NCAM2: variants seen among roughly 807,000 people sequenced by gnomAD.
The protein encoded by NCAM2 is neural cell adhesion molecule 2, also known as N-CAM-2.
In NCAM2, 30 loss-of-function variants were observed where a neutral mutation model predicts 98.1. That is an observed-to-expected ratio of 0.31 (90% confidence interval 0.23 to 0.41). NCAM2 has a LOEUF of 0.41. Ranked by LOEUF, NCAM2 falls within the 10% of genes least tolerant of loss-of-function variation. The pLI is 1.00. For missense variants in NCAM2, 867 were observed against 1,005.8 expected, an observed-to-expected ratio of 0.86 and a Z score of 1.87; for synonymous variants, 368 against 342.4, an observed-to-expected ratio of 1.07 and a Z score of -0.83.
chr21:21,338,947 C>G (rs200816277), intron 8 of NCAM2, among the ~76,000 whole-genome samples: 1 of 152,030 alleles, frequency 6.6e-6, no homozygotes, highest in Non-Finnish European at 1.5e-5. Context: ...GATTTACAAA[C>G]CAGTACATTT....
intron 12 of NCAM2, among the ~76,000 whole-genome samples, chr21:21,447,301 A>T (rs530306954): frequency 4.2e-4 from 64 of 152,216 alleles, no homozygotes; most frequent in African/African-American, 1.4e-3. Context: ...CAATGGGGAA[A>T]GGATATCCTT....
At position 21,133,733 on chromosome 21, in the gene NCAM2, A is replaced by C. The variant is rs112091977; in HGVS notation, c.55+135115A>C. On this transcript the variant is annotated intron_variant, in intron 1 of 17. Transcript: ENST00000400546. ...TTTTCATCATCAGTGCATAATGCAC[A>C]GTTGTTGCTGCCTCGACCCTGATCT... is the stretch of plus-strand genomic sequence containing the variant. 4.4e-3 allele frequency among the ~76,000 whole-genome samples: 677 copies of C among 152,338 alleles called. 8 individuals are homozygous for C. The highest frequency in any genetic ancestry group is 0.016 in the African/African-American group (648 of 41,592).
In NCAM2 at chr21:21,410,423, T is replaced by G; in HGVS notation, c.1345T>G (p.Leu449Val). 6.3e-7 allele frequency: 1 copy of G among 1,589,976 alleles called. No individual in the cohort carries two copies. The highest frequency in any genetic ancestry group is 8.6e-7 in the Non-Finnish European group (1 of 1,167,488). ...LVLPAKNTTN[L>V]KTYSTGRKMI... ...CTTACCTGCTAAAAACACGACCAAT[T>G]TAAAGACTTATAGTACAGGAAGAAA... Residue 449 changes from leucine to valine, a missense_variant, in exon 10 of 18, where the codon TTA becomes GTA. Transcript: ENST00000400546.
At chr21:21,527,233 T>A (rs1006191436) in intron 16 of NCAM2, among the ~76,000 whole-genome samples, 8 of 152,160 alleles carry the variant, frequency 5.3e-5, no homozygotes, top group African/African-American at 1.9e-4. Flanking sequence ...TGCCTCAACT[T>A]CCTGAGTAGC....
intron 13 of NCAM2, among the ~76,000 whole-genome samples, chr21:21,467,220 A>C (rs1252717195): frequency 6.6e-6 from 1 of 151,842 alleles, no homozygotes; most frequent in Non-Finnish European, 1.5e-5. Context: ...ATTTTGGGGA[A>C]TTGTAAGTTA....
At chr21:21,029,834 G>T (rs1222026302) in intron 1 of NCAM2, among the ~76,000 whole-genome samples, 1 of 151,878 alleles carries the variant, frequency 6.6e-6, no homozygotes, top group African/African-American at 2.4e-5. Context: ...GTTTCACCAC[G>T]TTGGCCAGGA....
Position 21,538,864 on chromosome 21 carries a change from T to C in NCAM2, c.*907T>C, listed in dbSNP as rs1990118417. 6.6e-6 allele frequency: 1 copy of C among 152,164 alleles called. No homozygotes were observed. Among genetic ancestry groups the C allele is most frequent in the Non-Finnish European group, 1.5e-5 (1 of 68,008 alleles). 9.4% of individuals were successfully genotyped at this position (152,164 alleles called of 1,614,324 possible). On this transcript the variant is annotated 3_prime_UTR_variant, in exon 18 of 18. Coordinates refer to ENST00000400546, the MANE Select transcript of NCAM2 (RefSeq NM_004540.5). ...AAAAAACAAGTCTTTAGTGTTCAAA[T>C]ACTTCAAATCATATCCTCAGATATA...
In NCAM2 at chr21:21,411,105, T is replaced by TATATGTGTGTATATATATATACACAC. The variant is rs2076865385; in HGVS notation, c.1383+648_1383+649insGTGTGTATATATATATACACACATAT. 5.4e-4 allele frequency among the ~76,000 whole-genome samples: 3 copies of TATATGTGTGTATATATATATACACAC among 5,588 alleles called. No homozygotes were observed. The East Asian group carries it at 0.014, about 25-fold the overall frequency. The allele number at this position is 5,588 out of a possible 152,430, so 3.7% of individuals were successfully genotyped here. A position where few individuals can be genotyped will look rare whatever the true frequency, so the allele number is the denominator to read the frequency against. ...ATATATATGTGTGTATATATATACA[T>TATATGTGTGTATATATATATACACAC]ATATATGTATATATATATACACATA... On this transcript the variant is annotated intron_variant, in intron 10 of 17. Coordinates refer to ENST00000400546, the MANE Select transcript of NCAM2 (RefSeq NM_004540.5).
At chr21:21,237,877 T>TA (rs201502106) in intron 1 of NCAM2, among the ~76,000 whole-genome samples, 1,531 of 144,056 alleles carry the variant, frequency 0.011, 47 homozygotes, top group Admixed American at 0.062. Flanking sequence ...TTGCATATAC[T>TA]AAAAAAAAAA....
At chr21:21,403,870 G>A (rs973439055) in intron 9 of NCAM2, among the ~76,000 whole-genome samples, 10 of 152,074 alleles carry the variant, frequency 6.6e-5, no homozygotes, top group African/African-American at 1.9e-4. Flanking sequence ...AGTTATTGTA[G>A]CATTGAAATA....
intron 1 of NCAM2, among the ~76,000 whole-genome samples, chr21:21,125,714 T>TAGAGAGAGAGAG (rs71322026): frequency 3.7e-5 from 5 of 134,404 alleles, no homozygotes; most frequent in African/African-American, 5.4e-5. Flanking sequence ...TATATATATA[T>TAGAGAGAGAGAG]AGAGAGAGAG....
At chr21:21,271,399 C>T (rs891784175) in intron 1 of NCAM2, among the ~76,000 whole-genome samples, 11 of 152,030 alleles carry the variant, frequency 7.2e-5, no homozygotes, top group African/African-American at 2.2e-4. Flanking sequence ...GTGCTCCTAG[C>T]AAATAGTACA....
At chr21:21,266,432 A>G (rs2072275749) in intron 1 of NCAM2, among the ~76,000 whole-genome samples, 1 of 152,100 alleles carries the variant, frequency 6.6e-6, no homozygotes, top group Non-Finnish European at 1.5e-5. Context: ...ACAAATAATT[A>G]TGCGGTACTA....
rs571048815 is a variant in NCAM2, at chr21:21,122,817, T to G, written c.55+124199T>G. ...GCTGCATTCTACTAGCCTAGGCAAG[T>G]TAACAGTCATCCAGAGTTCAGAGAG... On this transcript the variant is annotated intron_variant, in intron 1 of 17. Coordinates refer to ENST00000400546, the MANE Select transcript of NCAM2 (RefSeq NM_004540.5). 2.5e-3 allele frequency among the ~76,000 whole-genome samples: 387 copies of G among 152,288 alleles called. 2 individuals carry two copies. The highest frequency in any genetic ancestry group is 3.3e-3 in the Non-Finnish European group (227 of 68,034).
chr21:21,202,579 G>A (rs1356486924), intron 1 of NCAM2, among the ~76,000 whole-genome samples: 1 of 151,670 alleles, frequency 6.6e-6, no homozygotes, highest in South Asian at 2.1e-4. Context: ...ACCATGCCTG[G>A]CTAATTTTGC....
intron 1 of NCAM2, among the ~76,000 whole-genome samples, chr21:21,097,026 GCAT>G (rs1181837095): frequency 1.3e-5 from 2 of 151,652 alleles, no homozygotes; most frequent in Non-Finnish European, 3.0e-5. Context: ...TTCACTTACA[GCAT>G]CATCATTTTA....
At chr21:21,404,093 C>A (rs2076687620) in intron 9 of NCAM2, among the ~76,000 whole-genome samples, 1 of 152,024 alleles carries the variant, frequency 6.6e-6, no homozygotes, top group Non-Finnish European at 1.5e-5. Flanking sequence ...AGTGTCTTGA[C>A]ATTTTTAAAA....
At chr21:21,020,571 G>A (rs945025829) in intron 1 of NCAM2, among the ~76,000 whole-genome samples, 1 of 152,108 alleles carries the variant, frequency 6.6e-6, no homozygotes, top group Non-Finnish European at 1.5e-5. Flanking sequence ...AGATGTTTCC[G>A]CAATTCTAAG....
At chr21:21,227,973 A>C (rs1254858194) in intron 1 of NCAM2, among the ~76,000 whole-genome samples, 1 of 151,774 alleles carries the variant, frequency 6.6e-6, no homozygotes, top group African/African-American at 2.4e-5. Flanking sequence ...AAATTTAAAA[A>C]TTCCTGTGAG....
Sources: gnomAD v4.1 joint callset for allele counts (sites outside exome capture counted in the v4.1 genomes callset) on GRCh38, gnomAD v4.1.1 for gene constraint, MANE v1.5 for transcripts, NCBI Gene and HGNC (gene_info 2026-07-23, HGNC 2026-07-21) for gene names.